The following ERBB4 variants were observed in gnomAD, a reference collection of about 807,000 sequenced individuals.
ERBB4 encodes the protein receptor tyrosine-protein kinase erbB-4.
ERBB4 carries 42 observed loss-of-function variants against 158.0 expected under a neutral mutation model. That is an observed-to-expected ratio of 0.27 (90% CI 0.21 to 0.34). The LOEUF (loss-of-function observed/expected upper bound fraction) is 0.34. Among genes scored for constraint, ERBB4 ranks in the 10% least tolerant of loss-of-function variants. The pLI is 1.00. For synonymous variants in ERBB4, 583 were observed against 558.7 expected (o/e 1.04, Z -0.61); for missense variants, 1,333 against 1,624.1 (o/e 0.82, Z 3.08).
intron 19 of ERBB4, among the ~76,000 whole-genome samples, chr2:211,584,857 T>G (rs1038988593): frequency 2.0e-5 from 3 of 151,994 alleles, no homozygotes; most frequent in Non-Finnish European, 4.4e-5. Flanking sequence ...TTCCTCCTAA[T>G]GTAATATATA....
chr2:211,428,412 G>T lies in ERBB4; in HGVS notation c.2715C>A (p.Ser905Arg). ...TCGCAAAGAAGATTTATTTACCATAGCTCCAAACGTCACTCTGATGGGTGA... is the reference window on the plus strand; with the variant it reads ...TCGCAAAGAAGATTTATTTACCATATCTCCAAACGTCACTCTGATGGGTGA... Reference protein sequence around the residue: ...RKFTHQSDVWSYGVTIWELMT... With the variant: ...RKFTHQSDVWRYGVTIWELMT... The change falls in exon 22 of 28, where the codon AGC (serine) becomes AGA (arginine). Residue 905 changes from serine to arginine, a missense_variant. Coordinates refer to ENST00000342788, the MANE Select transcript of ERBB4 (RefSeq NM_005235.3). 6.4e-7 allele frequency: 1 copy of T among 1,563,540 alleles called. No homozygotes were observed. Among genetic ancestry groups the T allele is most frequent in the Non-Finnish European group, 8.8e-7 (1 of 1,135,096 alleles).
chr2:212,196,403 C>T (rs1399467588), intron 1 of ERBB4, among the ~76,000 whole-genome samples: 3 of 151,774 alleles, frequency 2.0e-5, no homozygotes, highest in African/African-American at 7.3e-5. Flanking sequence ...GTCTTGCCCT[C>T]TTAGGGATGG....
intron 4 of ERBB4, among the ~76,000 whole-genome samples, chr2:211,768,606 C>T (rs1055837861): frequency 2.6e-5 from 4 of 152,322 alleles, no homozygotes; most frequent in Admixed American, 6.5e-5. Flanking sequence ...CTCAACACCA[C>T]GTGGAAGCTG....
At chr2:211,517,559 G>C (rs1365469333) in intron 20 of ERBB4, among the ~76,000 whole-genome samples, 1 of 151,976 alleles carries the variant, frequency 6.6e-6, no homozygotes, top group East Asian at 1.9e-4. Context: ...TTTTTCCTTT[G>C]CCTCTTTTCC....
At chr2:212,207,669 C>A (rs1426800426) in intron 1 of ERBB4, among the ~76,000 whole-genome samples, 1 of 152,098 alleles carries the variant, frequency 6.6e-6, no homozygotes, top group Non-Finnish European at 1.5e-5. Flanking sequence ...TAATTATGAA[C>A]TGTGTAATCT....
intron 2 of ERBB4, among the ~76,000 whole-genome samples, chr2:212,007,350 A>C (rs1310403926): frequency 6.6e-6 from 1 of 151,800 alleles, no homozygotes; most frequent in East Asian, 1.9e-4. Flanking sequence ...CTATTAACTT[A>C]TATCTGTTCT....
chr2:212,081,106 C>T (rs186046137), intron 2 of ERBB4, among the ~76,000 whole-genome samples: 1 of 152,240 alleles, frequency 6.6e-6, no homozygotes, highest in East Asian at 1.9e-4. Context: ...ACATTCATGG[C>T]TCACAGATCA....
rs16848511 is a variant in ERBB4 at position 212,415,058 on chromosome 2, A to G, written c.82+123391T>C. The stretch of plus-strand genomic sequence containing the variant: ...CCTTGAATCTATTAAACTGAAACTG[A>G]TGATGATTTCAGAAACATGTTTGAT... On this transcript the variant is annotated intron_variant, in intron 1 of 27. Transcript: ENST00000342788. Among the ~76,000 whole-genome samples the G allele has an allele frequency of 7.2e-3, 1,090 of 152,298 alleles. 39 individuals are homozygous for G. The East Asian group carries it at 0.078, about 11-fold the overall frequency.
chr2:212,222,956 G>A (rs1355369244), intron 1 of ERBB4, among the ~76,000 whole-genome samples: 1 of 151,434 alleles, frequency 6.6e-6, no homozygotes, highest in Non-Finnish European at 1.5e-5. Context: ...CTTTAAAGAT[G>A]CATATGCTTT....
intron 1 of ERBB4, among the ~76,000 whole-genome samples, chr2:212,347,569 T>C (rs537384509): frequency 1.3e-5 from 2 of 152,248 alleles, no homozygotes; most frequent in East Asian, 1.9e-4. Flanking sequence ...GCATCCCTTA[T>C]TCAAAATGCT....
At chr2:211,944,081 C>CTA (rs58348907) in intron 3 of ERBB4, among the ~76,000 whole-genome samples, 73,978 of 133,202 alleles carry the variant, frequency 0.56, 21,251 homozygotes, top group Non-Finnish European at 0.64. Context: ...CATGGTTACA[C>CTA]TATATATATA....
chr2:212,070,647 A>C (rs1340271394), intron 2 of ERBB4, among the ~76,000 whole-genome samples: 1 of 152,040 alleles, frequency 6.6e-6, no homozygotes. Flanking sequence ...CACACAAAAG[A>C]ATTAGTTTGG....
In ERBB4 at chr2:211,702,553, C is replaced by T. The variant is rs532873012; in HGVS notation, c.1290-387G>A. Among the ~76,000 whole-genome samples the T allele has an allele frequency of 9.9e-5, 15 of 152,136 alleles. 1 individual carries two copies. The South Asian group carries it at 3.1e-3, about 32-fold the overall frequency. On this transcript the variant is annotated intron_variant, in intron 11 of 27. Coordinates refer to ENST00000342788, the MANE Select transcript of ERBB4 (RefSeq NM_005235.3). The stretch of plus-strand genomic sequence containing the variant: ...TCTACTCAAAATAAGACATTAATTC[C>T]TCTTTATGTAATAGATTTAGACATA...
chr2:212,219,695 C>A (rs2083228224), intron 1 of ERBB4, among the ~76,000 whole-genome samples: 2 of 151,226 alleles, frequency 1.3e-5, no homozygotes, highest in South Asian at 4.2e-4. Flanking sequence ...ACACACACAC[C>A]CCATATCCTG....
intron 1 of ERBB4, among the ~76,000 whole-genome samples, chr2:212,135,961 A>T (rs1241262744): frequency 6.6e-6 from 1 of 152,202 alleles, no homozygotes; most frequent in Non-Finnish European, 1.5e-5. Context: ...GCAAACCTCC[A>T]AGCTGGTAAA....
chr2:211,677,577 T>TAA (rs566073475), intron 13 of ERBB4, among the ~76,000 whole-genome samples: 31 of 117,434 alleles, frequency 2.6e-4, no homozygotes, highest in African/African-American at 8.3e-4. Context: ...AAAAATAAAT[T>TAA]AAAAAAAAAA....
intron 2 of ERBB4, among the ~76,000 whole-genome samples, chr2:212,031,994 C>T (rs2076914562): frequency 6.6e-6 from 1 of 152,004 alleles, no homozygotes; most frequent in African/African-American, 2.4e-5. Flanking sequence ...CTCTTGGTGC[C>T]TGTTTTGAGT....
chr2:212,488,848 C>G (rs1690118708), intron 1 of ERBB4, among the ~76,000 whole-genome samples: 1 of 150,880 alleles, frequency 6.6e-6, no homozygotes, highest in African/African-American at 2.4e-5. Context: ...TGAAAAATCT[C>G]TACTGAACCT....
intron 1 of ERBB4, among the ~76,000 whole-genome samples, chr2:212,524,041 A>G (rs1692315403): frequency 6.6e-6 from 1 of 151,936 alleles, no homozygotes; most frequent in Non-Finnish European, 1.5e-5. Flanking sequence ...CTCCCTAGCT[A>G]TTGAAGACAG....
Sources: gnomAD v4.1 joint callset for allele counts (sites outside exome capture counted in the v4.1 genomes callset) on GRCh38, gnomAD v4.1.1 for gene constraint, MANE v1.5 for transcripts, NCBI Gene and HGNC (gene_info 2026-07-23, HGNC 2026-07-21) for gene names.